The following SETBP1 variants were observed in gnomAD, a reference collection of about 807,000 sequenced individuals.
The protein encoded by SETBP1 is SET-binding protein.
SETBP1 carries 9 observed loss-of-function variants against 101.0 expected under a neutral mutation model. The ratio of observed to expected loss-of-function variants is 0.09; its 90% CI spans 0.05 to 0.16. The LOEUF is 0.16. Ranked by LOEUF, SETBP1 falls within the 10% of genes least tolerant of loss-of-function variation. SETBP1 has a pLI of 1.00. For missense variants in SETBP1, 1,858 were observed against 2,033.8 expected, an observed-to-expected ratio of 0.91 and a Z score of 1.66; for synonymous variants, 818 against 788.5, an observed-to-expected ratio of 1.04 and a Z score of -0.63.
intron 2 of SETBP1, among the ~76,000 whole-genome samples, chr18:44,775,648 G>A (rs1336004425): frequency 6.6e-6 from 1 of 150,420 alleles, no homozygotes; most frequent in Admixed American, 6.6e-5. Flanking sequence ...AGGTGATTAG[G>A]ATGGAGCGTA....
At chr18:45,060,206 T>A (rs1218667562) in intron 5 of SETBP1, among the ~76,000 whole-genome samples, 1 of 152,180 alleles carries the variant, frequency 6.6e-6, no homozygotes, top group Admixed American at 6.5e-5. Context: ...TCAAGGAACA[T>A]CCTTATATGA....
chr18:44,750,845 G>A (rs897598095), intron 2 of SETBP1, among the ~76,000 whole-genome samples: 22 of 152,342 alleles, frequency 1.4e-4, no homozygotes, highest in African/African-American at 4.8e-4. Flanking sequence ...AAGATGCAAA[G>A]TGTGTAGGGT....
chr18:44,875,760 C>A (rs1376352343), intron 3 of SETBP1, among the ~76,000 whole-genome samples: 2 of 152,086 alleles, frequency 1.3e-5, no homozygotes, highest in Non-Finnish European at 2.9e-5. Context: ...TTAATAGGAA[C>A]ATTAGCCCCA....
intron 3 of SETBP1, among the ~76,000 whole-genome samples, chr18:44,941,600 G>T (rs765401654): frequency 3.3e-5 from 5 of 151,906 alleles, no homozygotes; most frequent in Non-Finnish European, 7.4e-5. Context: ...TCTTGATATT[G>T]CTCCATAGAT....
intron 4 of SETBP1, chr18:44,988,575 T>C (rs1405986274): frequency 2.6e-5 from 4 of 152,220 alleles, no homozygotes; most frequent in Admixed American, 2.6e-4. Context: ...AAGAGGTAGC[T>C]AGCCTTAAAG....
At chr18:44,715,830 G>A (rs764480236) in intron 2 of SETBP1, among the ~76,000 whole-genome samples, 2 of 152,022 alleles carry the variant, frequency 1.3e-5, no homozygotes, top group Non-Finnish European at 2.9e-5. Flanking sequence ...GCCCCCAGAC[G>A]TGGCTGTGAT....
chr18:44,711,791 C>T (rs748810857), intron 2 of SETBP1, among the ~76,000 whole-genome samples: 5 of 148,634 alleles, frequency 3.4e-5, no homozygotes, highest in African/African-American at 1.0e-4. Flanking sequence ...CCTCCCGCTT[C>T]GGCCTCCTGA....
chr18:44,768,138 G>A (rs917059834), intron 2 of SETBP1, among the ~76,000 whole-genome samples: 4 of 152,198 alleles, frequency 2.6e-5, no homozygotes, highest in Non-Finnish European at 5.9e-5. Flanking sequence ...AGATCTTGTA[G>A]AGTCTGGGCT....
intron 2 of SETBP1, among the ~76,000 whole-genome samples, chr18:44,839,988 GTCT>G (rs2072583964): frequency 6.6e-6 from 1 of 152,208 alleles, no homozygotes; most frequent in African/African-American, 2.4e-5. Context: ...AGAACAAGTT[GTCT>G]TCTTGATCCA....
chr18:44,845,017 T>A (rs1197693604), intron 2 of SETBP1, among the ~76,000 whole-genome samples: 2 of 152,182 alleles, frequency 1.3e-5, no homozygotes, highest in South Asian at 2.1e-4. Flanking sequence ...AAGGTGTGAT[T>A]ATGTGAGGAA....
intron 1 of SETBP1, among the ~76,000 whole-genome samples, chr18:44,692,873 G>A (rs1598995864): frequency 6.6e-6 from 1 of 152,194 alleles, no homozygotes; most frequent in Admixed American, 6.5e-5. Flanking sequence ...TGGGAGATCT[G>A]CAGCTTACGA....
chr18:44,820,066 G>T (rs976516486), intron 2 of SETBP1, among the ~76,000 whole-genome samples: 3 of 152,226 alleles, frequency 2.0e-5, no homozygotes, highest in Non-Finnish European at 2.9e-5. Context: ...AGACTGGCTG[G>T]TTATGAGGAG....
At chr18:44,809,975 A>T (rs1244881259) in intron 2 of SETBP1, among the ~76,000 whole-genome samples, 1 of 152,234 alleles carries the variant, frequency 6.6e-6, no homozygotes, top group Non-Finnish European at 1.5e-5. Flanking sequence ...GCCCTGCAAA[A>T]GGCAAATTGT....
intron 3 of SETBP1, among the ~76,000 whole-genome samples, chr18:44,909,598 C>T (rs1177873484): frequency 1.8e-4 from 28 of 152,186 alleles, no homozygotes; most frequent in Admixed American, 1.8e-3. Context: ...CCTGTCCCAA[C>T]TATTTATAGT....
chr18:44,884,422 T>A lies in SETBP1; in HGVS notation c.540+15139T>A, dbSNP rs183604908. 2.0e-5 allele frequency among the ~76,000 whole-genome samples: 3 copies of A among 152,296 alleles called. No individual in the cohort carries two copies. The East Asian group carries it at 5.8e-4, about 29-fold the overall frequency. On this transcript the variant is annotated intron_variant, in intron 3 of 5. Coordinates refer to ENST00000649279, the MANE Select transcript of SETBP1 (RefSeq NM_015559.3). Reference sequence around the variant, plus strand: ...CCAAGTCAGTGTATCCCATATGTCCTCTCTATCTGCCACCCTTCCCAAGGC... The same window carrying A: ...CCAAGTCAGTGTATCCCATATGTCCACTCTATCTGCCACCCTTCCCAAGGC...
intron 2 of SETBP1, among the ~76,000 whole-genome samples, chr18:44,853,916 G>A (rs2072920909): frequency 6.6e-6 from 1 of 152,106 alleles, no homozygotes; most frequent in East Asian, 1.9e-4. Context: ...TTGGGGGATG[G>A]CTTTATTGTC....
At chr18:45,039,127 T>G (rs1328570267) in intron 5 of SETBP1, among the ~76,000 whole-genome samples, 1 of 152,246 alleles carries the variant, frequency 6.6e-6, no homozygotes, top group Non-Finnish European at 1.5e-5. Flanking sequence ...TGCGTTTCAC[T>G]GCCTCCCTTG....
At chr18:44,703,632 C>T in intron 2 of SETBP1, among the ~76,000 whole-genome samples, 1 of 152,092 alleles carries the variant, frequency 6.6e-6, no homozygotes, top group Non-Finnish European at 1.5e-5. Flanking sequence ...TCCTAGCAAA[C>T]TGGGACGATT....
intron 2 of SETBP1, among the ~76,000 whole-genome samples, chr18:44,849,067 C>T (rs1000547566): frequency 6.6e-6 from 1 of 152,222 alleles, no homozygotes; most frequent in African/African-American, 2.4e-5. Context: ...ATACCATAGC[C>T]TTGTAAAGGC....
Sources: allele counts gnomAD v4.1 joint callset (sites outside exome capture counted in the v4.1 genomes callset), GRCh38; gene constraint gnomAD v4.1.1; transcripts MANE v1.5; gene names NCBI Gene and HGNC (gene_info 2026-07-23, HGNC 2026-07-21).